PRKX: variants seen among roughly 807,000 people sequenced by gnomAD.
PRKX encodes the protein protein kinase cAMP-dependent X-linked catalytic subunit.
In PRKX, 12 loss-of-function variants were observed where a neutral mutation model predicts 22.0. The ratio of observed to expected loss-of-function variants is 0.54; its 90% CI spans 0.35 to 0.88. The LOEUF (loss-of-function observed/expected upper bound fraction) is 0.88. PRKX is among the 40% of genes least tolerant of loss of function. The pLI, the probability that PRKX is intolerant of heterozygous loss-of-function variation, is 0.01. For synonymous variants in PRKX, 134 were observed against 137.7 expected (o/e 0.97, Z 0.19); for missense variants, 217 against 308.0 (o/e 0.70, Z 2.21).
chrX:3,666,347 G>A (rs1474141067), intron 2 of PRKX, among the ~76,000 whole-genome samples: 6 of 109,795 alleles, frequency 5.5e-5, no homozygotes, highest in Non-Finnish European at 7.6e-5. Flanking sequence ...TAGTAGAGAC[G>A]GGGTCTCACT....
rs781485987 is a variant in PRKX, at chrX:3,713,170, G to A, written c.84C>T (p.Pro28=). The stretch of plus-strand genomic sequence containing the variant: ...GCGCCTCAGGGCTGGGGCAGAGCGC[G>A]GGCGCCCCGTCGGGGGTCTCCTCCG... The part of the protein sequence containing the change: ...KVAEETPDGA[P]ALCPSPEALS... The change falls in exon 1 of 9, where the codon CCC becomes CCT. Residue 28 remains proline, a synonymous_variant. Coordinates refer to ENST00000262848, the MANE Select transcript of PRKX (RefSeq NM_005044.5). The A allele has an allele frequency of 4.1e-5, 46 of 1,124,790 alleles. No homozygotes were observed. The East Asian group carries it at 1.4e-3, about 33-fold the overall frequency. 92.7% of individuals were successfully genotyped at this position (1,124,790 alleles called of 1,213,427 possible). A position where few individuals can be genotyped will look rare whatever the true frequency, so the allele number is the denominator to read the frequency against.
At chrX:3,655,915 T>C (rs1927471850) in intron 2 of PRKX, among the ~76,000 whole-genome samples, 1 of 111,207 alleles carries the variant, frequency 9.0e-6, no homozygotes, top group Non-Finnish European at 1.9e-5. Flanking sequence ...TGGGTGTAGA[T>C]GGATGTAGAC....
chrX:3,608,438 C>T lies in PRKX; in HGVS notation c.*531G>A, dbSNP rs1194534509. 7.3e-5 allele frequency: 8 copies of T among 109,803 alleles called. No individual in the cohort carries two copies. The highest frequency in any genetic ancestry group is 1.5e-4 in the Non-Finnish European group (8 of 52,766). 9.0% of individuals were successfully genotyped at this position (109,803 alleles called of 1,213,427 possible). ...TTTTTAATGCATGCAACATACCCTT[C>T]AGATGTTGTCCCCGAGAAGAGATTT... On this transcript the variant is annotated 3_prime_UTR_variant, in exon 9 of 9. Transcript: ENST00000262848.
intron 4 of PRKX, among the ~76,000 whole-genome samples, chrX:3,629,961 C>T (rs1343420504): frequency 8.9e-6 from 1 of 111,956 alleles, no homozygotes; most frequent in Non-Finnish European, 1.9e-5. Context: ...CATTTCTTGA[C>T]CCCTGGAGAC....
rs1332847345 is a variant in PRKX at position 3,688,579 on chromosome X, G to T, written c.167-13813C>A. ...CTTGTTCCACACCTATAGATGGGTG[G>T]AGGCCAGGAGCAGTGGCTCATGCCT... On this transcript the variant is annotated intron_variant, in intron 1 of 8. Coordinates refer to ENST00000262848, the MANE Select transcript of PRKX (RefSeq NM_005044.5). 2.3e-5 allele frequency among the ~76,000 whole-genome samples: 2 copies of T among 86,659 alleles called. 1 individual carries two copies. Among genetic ancestry groups the T allele is most frequent in the Non-Finnish European group, 5.0e-5 (2 of 39,604 alleles). The allele number at this position is 86,659 out of a possible 115,157, so 75.3% of individuals were successfully genotyped here. A position where few individuals can be genotyped will look rare whatever the true frequency, so the allele number is the denominator to read the frequency against.
At chrX:3,690,613 T>G (rs950052020) in intron 1 of PRKX, among the ~76,000 whole-genome samples, 3 of 111,332 alleles carry the variant, frequency 2.7e-5, no homozygotes, top group Non-Finnish European at 5.7e-5. Flanking sequence ...GCGACTATAG[T>G]CCCAGCTACT....
At chrX:3,655,060 A>G in intron 3 of PRKX, 89 bp downstream of exon 3, 1 of 1,131,182 alleles carries the variant, frequency 8.8e-7, no homozygotes, top group South Asian at 2.0e-5. Context: ...TCTGGTTCCC[A>G]ATCTTTCCCT....
chrX:3,636,464 T>C (rs1926888404), intron 4 of PRKX, among the ~76,000 whole-genome samples: 1 of 112,809 alleles, frequency 8.9e-6, no homozygotes, highest in Non-Finnish European at 1.9e-5. Context: ...AGAAAACAGA[T>C]GGGCTGGTCG....
At position 3,608,424 on chromosome X, in the gene PRKX, T is replaced by C. The variant is rs1926226338; in HGVS notation, c.*545A>G. ...ATGTGAGATGATTTTTTTTAATGCA[T>C]GCAACATACCCTTCAGATGTTGTCC... is the stretch of plus-strand genomic sequence containing the variant. On this transcript the variant is annotated 3_prime_UTR_variant, in exon 9 of 9. Transcript: ENST00000262848. The C allele has an allele frequency of 1.8e-5, 2 of 110,293 alleles. No individual in the cohort carries two copies. Among genetic ancestry groups the C allele is most frequent in the African/African-American group, 3.3e-5 (1 of 30,334 alleles). 9.1% of individuals were successfully genotyped at this position (110,293 alleles called of 1,213,427 possible).
intron 3 of PRKX, among the ~76,000 whole-genome samples, chrX:3,644,955 G>A (rs1157347742): frequency 8.9e-6 from 1 of 111,734 alleles, no homozygotes; most frequent in Admixed American, 9.5e-5. Context: ...GAGGTTGTAT[G>A]AGGCTGTATA....
intron 1 of PRKX, among the ~76,000 whole-genome samples, chrX:3,695,571 T>G (rs1452777893): frequency 1.8e-5 from 2 of 110,712 alleles, no homozygotes; most frequent in South Asian, 3.8e-4. Flanking sequence ...GCCACCACAC[T>G]CAGCTAATTT....
intron 4 of PRKX, among the ~76,000 whole-genome samples, chrX:3,636,215 TAAG>T (rs1179820031): frequency 8.9e-6 from 1 of 112,229 alleles, no homozygotes; most frequent in Non-Finnish European, 1.9e-5. Flanking sequence ...TTGATCCTGC[TAAG>T]AGTGGGAATC....
chrX:3,698,655 C>A (rs1928493547), intron 1 of PRKX, among the ~76,000 whole-genome samples: 1 of 109,583 alleles, frequency 9.1e-6, no homozygotes, highest in Non-Finnish European at 1.9e-5. Context: ...GTGGTGTGAT[C>A]TCGGCTCACT....
intron 5 of PRKX, among the ~76,000 whole-genome samples, chrX:3,623,188 C>G (rs374084729): frequency 1.2e-5 from 1 of 85,795 alleles, no homozygotes; most frequent in Admixed American, 1.2e-4. Context: ...GTGTGTGTGT[C>G]ATGTAAGAAA....
intron 2 of PRKX, among the ~76,000 whole-genome samples, chrX:3,669,847 C>T (rs1405255095): frequency 8.9e-6 from 1 of 112,048 alleles, no homozygotes; most frequent in Admixed American, 9.5e-5. Context: ...ACCTACCTAT[C>T]GTATCTATCA....
chrX:3,635,124 A>G (rs780884481), intron 4 of PRKX, among the ~76,000 whole-genome samples: 2 of 111,611 alleles, frequency 1.8e-5, no homozygotes, highest in Non-Finnish European at 3.8e-5. Flanking sequence ...GTTGGTTTAT[A>G]TTTCAGTCTC....
At chrX:3,637,394 G>A (rs1209452164) in intron 4 of PRKX, among the ~76,000 whole-genome samples, 1 of 111,500 alleles carries the variant, frequency 9.0e-6, no homozygotes, top group Non-Finnish European at 1.9e-5. Flanking sequence ...TACGTGGACA[G>A]GATGCCTGCA....
Position 3,704,500 on chromosome X carries a change from C to CA in PRKX, c.166+8587dup, listed in dbSNP as rs112892142. Among the ~76,000 whole-genome samples, 9 of 109,222 alleles carry CA rather than the reference C, an allele frequency of 8.2e-5. No homozygotes were observed. The East Asian group carries it at 8.7e-4, about 11-fold the overall frequency. The allele number at this position is 109,222 out of a possible 115,157, so 94.8% of individuals were successfully genotyped here. A position where few individuals can be genotyped will look rare whatever the true frequency, so the allele number is the denominator to read the frequency against. On this transcript the variant is annotated intron_variant, in intron 1 of 8. Coordinates refer to ENST00000262848, the MANE Select transcript of PRKX (RefSeq NM_005044.5). ...GGCAACATGACGAGACTATCTCTAC[C>CA]AAAAAAAAATCAAAACAATAGCCTG...
chrX:3,710,652 G>A (rs1417591959), intron 1 of PRKX, among the ~76,000 whole-genome samples: 2 of 112,006 alleles, frequency 1.8e-5, no homozygotes, highest in Admixed American at 1.9e-4. Context: ...GGGACTACAG[G>A]TATGAGCCAC....
Sources: gnomAD v4.1 joint callset for allele counts (sites outside exome capture counted in the v4.1 genomes callset) on GRCh38, gnomAD v4.1.1 for gene constraint, MANE v1.5 for transcripts, NCBI Gene and HGNC (gene_info 2026-07-23, HGNC 2026-07-21) for gene names.